CFAP20DC: variants seen among roughly 807,000 people sequenced by gnomAD.
CFAP20DC encodes the protein protein CFAP20DC.
A neutral mutation model predicts 101.7 loss-of-function variants in CFAP20DC; 84 were observed. That is an observed-to-expected ratio of 0.83 (90% CI 0.69 to 0.99). The LOEUF (loss-of-function observed/expected upper bound fraction) is 0.99. Among genes scored for constraint, CFAP20DC ranks in the 50% least tolerant of loss-of-function variants. The pLI, the probability that CFAP20DC is intolerant of heterozygous loss-of-function variation, is 0.00. For synonymous variants in CFAP20DC, 359 were observed against 351.2 expected (o/e 1.02, Z -0.25); for missense variants, 1,007 against 970.3 (o/e 1.04, Z -0.50).
In CFAP20DC at chr3:58,831,779, G is replaced by C; in HGVS notation, c.2082C>G (p.Ser694=). ...CCACCTGGGAGGCACTCAGGCCATGGGAGGTCCCAGCATCCTCCAGTTCTT... is the reference window on the plus strand; with the variant it reads ...CCACCTGGGAGGCACTCAGGCCATGCGAGGTCCCAGCATCCTCCAGTTCTT... The part of the protein sequence containing the change: ...QNEELEDAGT[S]HGLSASQVDN... The change falls in exon 14 of 17, where the codon TCC becomes TCG. Residue 694 remains serine (S), a synonymous_variant. Coordinates refer to ENST00000482387, the MANE Select transcript of CFAP20DC (RefSeq NM_001394063.1). 1 of 1,614,116 alleles carries C rather than the reference G, an allele frequency of 6.2e-7. No homozygotes were observed.
intron 4 of CFAP20DC, among the ~76,000 whole-genome samples, chr3:58,954,598 T>C (rs1207192696): frequency 6.6e-6 from 1 of 152,184 alleles, no homozygotes; most frequent in African/African-American, 2.4e-5. Flanking sequence ...TAACGGCCAA[T>C]AGAAGATGGT....
rs1023439378 is a variant in CFAP20DC, at chr3:59,007,253, C to T, written c.278+32304G>A. Among the ~76,000 whole-genome samples the T allele has an allele frequency of 6.6e-6, 1 of 152,180 alleles. No individual in the cohort carries two copies. The highest frequency in any genetic ancestry group is 2.4e-5 in the African/African-American group (1 of 41,428). ...GCCCCCATCTGAAGGTACTCCTCTACCCGCCCTGGTAGCTGAACACAAAAG... is the reference window on the plus strand; with the variant it reads ...GCCCCCATCTGAAGGTACTCCTCTATCCGCCCTGGTAGCTGAACACAAAAG... On this transcript the variant is annotated intron_variant, in intron 4 of 16. Coordinates refer to ENST00000482387, the MANE Select transcript of CFAP20DC (RefSeq NM_001394063.1). This position sits in a 1 kb window ranked among gnomAD's most constrained non-coding sequence, Gnocchi z 4.4.
At chr3:59,047,077 G>C in intron 2 of CFAP20DC, 88 bp downstream of exon 2, 2 of 843,396 alleles carry the variant, frequency 2.4e-6, no homozygotes, top group Non-Finnish European at 3.7e-6. Context: ...AGGAAAAACA[G>C]CTCTGAAATT....
chr3:58,790,346 G>C (rs916706817), intron 15 of CFAP20DC, among the ~76,000 whole-genome samples: 1 of 152,204 alleles, frequency 6.6e-6, no homozygotes, highest in Non-Finnish European at 1.5e-5. Flanking sequence ...GTAGAAGAGG[G>C]TGGTTCCCTG....
chr3:58,944,213 A>C (rs2089032312), intron 4 of CFAP20DC, among the ~76,000 whole-genome samples: 1 of 152,170 alleles, frequency 6.6e-6, no homozygotes, highest in Non-Finnish European at 1.5e-5. Context: ...CAAATTCAGG[A>C]AATACAGAGA....
chr3:58,880,207 C>T (rs1254967943), intron 7 of CFAP20DC, among the ~76,000 whole-genome samples: 2 of 152,100 alleles, frequency 1.3e-5, no homozygotes, highest in Non-Finnish European at 2.9e-5. Context: ...CTCTACTAGT[C>T]CCTGTTTTCA....
In CFAP20DC at chr3:58,742,484, T is replaced by C; in HGVS notation, c.2421A>G (p.Thr807=). 1 of 1,606,904 alleles carries C rather than the reference T, an allele frequency of 6.2e-7. No homozygotes were observed. Among genetic ancestry groups the C allele is most frequent in the Non-Finnish European group, 8.5e-7 (1 of 1,176,478 alleles). Reference sequence around the variant, plus strand: ...ATTATACCAACTCATAGTATTTCCCTGTTTGGGGGTCAAAGTAACAGTTCA... The same window carrying C: ...ATTATACCAACTCATAGTATTTCCCCGTTTGGGGGTCAAAGTAACAGTTCA... The part of the protein sequence containing the change: ...PCLNCYFDPQ[T]GKYYELV Residue 807 remains threonine, a synonymous_variant, in exon 17 of 17, where the codon ACA becomes ACG. Coordinates refer to ENST00000482387, the MANE Select transcript of CFAP20DC (RefSeq NM_001394063.1).
At chr3:59,017,913 G>T (rs987556144) in intron 4 of CFAP20DC, 18 of 152,204 alleles carry the variant, frequency 1.2e-4, no homozygotes, top group Admixed American at 9.8e-4. Flanking sequence ...TCACAGGACG[G>T]GTGCCAGCTA....
At chr3:58,831,014 T>C (rs952485294) in intron 14 of CFAP20DC, among the ~76,000 whole-genome samples, 6 of 152,242 alleles carry the variant, frequency 3.9e-5, no homozygotes, top group Non-Finnish European at 8.8e-5. Context: ...GGCTCTGCTC[T>C]GGGCTCCACC....
chr3:58,948,491 A>C (rs1181701641), intron 4 of CFAP20DC, among the ~76,000 whole-genome samples: 2 of 152,208 alleles, frequency 1.3e-5, no homozygotes, highest in Non-Finnish European at 2.9e-5. Flanking sequence ...GAACTGATGC[A>C]AATATGCACA....
Position 59,002,228 on chromosome 3 carries a change from G to A in CFAP20DC, c.278+37329C>T, listed in dbSNP as rs892566183. Among the ~76,000 whole-genome samples the A allele has an allele frequency of 6.6e-6, 1 of 152,196 alleles. No individual in the cohort carries two copies. The highest frequency in any genetic ancestry group is 1.5e-5 in the Non-Finnish European group (1 of 68,042). On this transcript the variant is annotated intron_variant, in intron 4 of 16. Coordinates refer to ENST00000482387, the MANE Select transcript of CFAP20DC (RefSeq NM_001394063.1). This position sits in a 1 kb window ranked among gnomAD's most constrained non-coding sequence, Gnocchi z 4.5. ...GGGGAATAAATACCTCTTACTCCCA[G>A]TAGTTGAGGATATGATAAGATGAGT...
At chr3:58,886,052 C>T (rs1297505862) in intron 6 of CFAP20DC, among the ~76,000 whole-genome samples, 1 of 151,888 alleles carries the variant, frequency 6.6e-6, no homozygotes, top group East Asian at 1.9e-4. Flanking sequence ...TAAGCTTTGT[C>T]ATTTGTAGCA....
intron 3 of CFAP20DC, among the ~76,000 whole-genome samples, chr3:58,719,303 G>A (rs1209000092): frequency 2.0e-5 from 3 of 152,088 alleles, no homozygotes; most frequent in African/African-American, 7.2e-5. Context: ...TTTGCCATGG[G>A]CCCCTTTATA....
intron 5 of CFAP20DC, among the ~76,000 whole-genome samples, chr3:58,931,646 G>A (rs567865059): frequency 1.4e-4 from 20 of 143,926 alleles, no homozygotes; most frequent in African/African-American, 3.8e-4. Context: ...CCACCGCTGC[G>A]GATACCCAGG....
intron 14 of CFAP20DC, among the ~76,000 whole-genome samples, chr3:58,808,308 CAG>C (rs1047052393): frequency 6.6e-6 from 1 of 152,130 alleles, no homozygotes; most frequent in African/African-American, 2.4e-5. Flanking sequence ...TAAGGGCAGC[CAG>C]AGAGAAAGGT....
chr3:58,809,083 C>A (rs938279354), intron 14 of CFAP20DC, among the ~76,000 whole-genome samples: 2 of 152,090 alleles, frequency 1.3e-5, no homozygotes, highest in African/African-American at 4.8e-5. Context: ...GAGTGACCTA[C>A]AAAGAGACTT....
intron 6 of CFAP20DC, among the ~76,000 whole-genome samples, chr3:58,888,132 T>G (rs1350014156): frequency 6.6e-6 from 1 of 152,248 alleles, no homozygotes; most frequent in South Asian, 2.1e-4. Context: ...ATATACAGCT[T>G]AATTTTAAAA....
intron 4 of CFAP20DC, among the ~76,000 whole-genome samples, chr3:59,000,608 T>C (rs2093281324): frequency 6.6e-6 from 1 of 152,068 alleles, no homozygotes; most frequent in South Asian, 2.1e-4. Context: ...TCAGGGCCTG[T>C]CAAGTCATGA....
intron 14 of CFAP20DC, among the ~76,000 whole-genome samples, chr3:58,821,045 A>G (rs1464302453): frequency 3.9e-5 from 6 of 151,962 alleles, no homozygotes; most frequent in Admixed American, 6.5e-5. Context: ...CAATGGGGAA[A>G]GGATTCCCTA....
Sources: allele counts gnomAD v4.1 joint callset (sites outside exome capture counted in the v4.1 genomes callset), GRCh38; gene constraint gnomAD v4.1.1; non-coding constraint Gnocchi (gnomAD v3.1); transcripts MANE v1.5; gene names NCBI Gene and HGNC (gene_info 2026-07-23, HGNC 2026-07-21).